The following CCDC150 variants were observed in gnomAD, a reference collection of about 807,000 sequenced individuals.
The protein encoded by CCDC150 is coiled-coil domain-containing protein 150.
CCDC150 carries 151 observed loss-of-function variants against 156.5 expected under a neutral mutation model. The observed-to-expected ratio is 0.97, with a 90% CI of 0.85 to 1.10. CCDC150 has a LOEUF of 1.10. Among genes scored for constraint, CCDC150 ranks in the 50% least tolerant of loss-of-function variants. The probability of loss-of-function intolerance (pLI) is 0.00; values close to 1 mark genes in which losing one functional copy is unlikely to be tolerated. For synonymous variants in CCDC150, 452 were observed against 429.4 expected, an observed-to-expected ratio of 1.05 and a Z score of -0.65; for missense variants, 1,312 against 1,268.1, an observed-to-expected ratio of 1.03 and a Z score of -0.53.
chr2:196,644,552 C>A (rs1692422280), intron 1 of CCDC150, among the ~76,000 whole-genome samples: 1 of 151,888 alleles, frequency 6.6e-6, no homozygotes, highest in African/African-American at 2.4e-5. Flanking sequence ...GTCTCCACAT[C>A]AGTTTTTTTT....
chr2:196,653,003 AGGT>A (rs1692972823), intron 2 of CCDC150, among the ~76,000 whole-genome samples: 1 of 152,296 alleles, frequency 6.6e-6, no homozygotes, highest in East Asian at 1.9e-4. Context: ...AGCATTCCTG[AGGT>A]GGTGCAGGGT....
At chr2:196,696,027 CATTACTTCAACTATGAAAAAT>C (rs1185907433) in intron 14 of CCDC150, among the ~76,000 whole-genome samples, 1 of 152,196 alleles carries the variant, frequency 6.6e-6, no homozygotes, top group African/African-American at 2.4e-5. Flanking sequence ...ATAAGCTGCT[CATTACTTCAACTATGAAAAAT>C]TATACAGACT....
chr2:196,671,317 CAT>C (rs1443146046), intron 8 of CCDC150, among the ~76,000 whole-genome samples: 6 of 151,868 alleles, frequency 4.0e-5, no homozygotes, highest in African/African-American at 1.4e-4. Flanking sequence ...TAGTTGGAAT[CAT>C]ATAGTCTATA....
intron 14 of CCDC150, among the ~76,000 whole-genome samples, chr2:196,700,790 C>T (rs980452381): frequency 1.3e-5 from 2 of 152,168 alleles, no homozygotes; most frequent in Non-Finnish European, 2.9e-5. Flanking sequence ...TACCTGCAGT[C>T]ACTGATACAA....
chr2:196,709,102 C>A lies in CCDC150; in HGVS notation c.1696-3043C>A, dbSNP rs760571124. 1.1e-4 allele frequency among the ~76,000 whole-genome samples: 16 copies of A among 152,290 alleles called. No homozygotes were observed. The East Asian group carries it at 3.1e-3, about 29-fold the overall frequency. Reference sequence around the variant, plus strand: ...GGATAATATCCTGAAGAGTGTTTTCCATCTTGGTTCCATGCTCCCTGTCAC... The same window carrying A: ...GGATAATATCCTGAAGAGTGTTTTCAATCTTGGTTCCATGCTCCCTGTCAC... On this transcript the variant is annotated intron_variant, in intron 15 of 27. Transcript: ENST00000389175.
At chr2:196,704,525 A>G (rs1037639888) in intron 15 of CCDC150, among the ~76,000 whole-genome samples, 9 of 152,094 alleles carry the variant, frequency 5.9e-5, no homozygotes, top group African/African-American at 2.2e-4. Flanking sequence ...TCCCCTTACT[A>G]AAAGTAGTTA....
chr2:196,724,387 AAATTT>A (rs1559278884), intron 21 of CCDC150, among the ~76,000 whole-genome samples: 1 of 152,190 alleles, frequency 6.6e-6, no homozygotes, highest in Non-Finnish European at 1.5e-5. Context: ...AGTTAATACA[AAATTT>A]AATTTAAAAA....
At chr2:196,651,681 T>C (rs1434039163) in intron 2 of CCDC150, among the ~76,000 whole-genome samples, 1 of 152,234 alleles carries the variant, frequency 6.6e-6, no homozygotes, top group African/African-American at 2.4e-5. Flanking sequence ...CAAGCTACTT[T>C]TCCCTTGATG....
chr2:196,669,967 A>C (rs1694104436), intron 8 of CCDC150, 91 bp downstream of exon 8: 1 of 919,438 alleles, frequency 1.1e-6, no homozygotes, highest in Non-Finnish European at 1.7e-6. Flanking sequence ...AGTGCTTCTT[A>C]CTCTCATCAA....
chr2:196,645,079 G>A (rs1293248510), intron 1 of CCDC150, among the ~76,000 whole-genome samples: 2 of 152,172 alleles, frequency 1.3e-5, no homozygotes, highest in East Asian at 1.9e-4. Flanking sequence ...AGCCAAGATC[G>A]CTCCATTTCA....
intron 2 of CCDC150, among the ~76,000 whole-genome samples, chr2:196,652,295 C>T (rs1451277602): frequency 1.3e-5 from 2 of 152,206 alleles, no homozygotes; most frequent in African/African-American, 4.8e-5. Flanking sequence ...AGACTCAAGG[C>T]AAGTTCTTTC....
At chr2:196,701,554 C>CT (rs1474681080) in intron 15 of CCDC150, among the ~76,000 whole-genome samples, 3 of 152,162 alleles carry the variant, frequency 2.0e-5, no homozygotes, top group Non-Finnish European at 4.4e-5. Flanking sequence ...TGTGATGATA[C>CT]TGTTCTTTTG....
At chr2:196,680,653 C>T (rs1694762756) in intron 13 of CCDC150, among the ~76,000 whole-genome samples, 1 of 152,072 alleles carries the variant, frequency 6.6e-6, no homozygotes, top group Non-Finnish European at 1.5e-5. Flanking sequence ...GTTGTTTCAA[C>T]TTTTTGGGTA....
chr2:196,732,483 C>A lies in CCDC150; in HGVS notation c.3227C>A (p.Ser1076Tyr). The change falls in exon 28 of 28, where the codon TCT (serine) becomes TAT (tyrosine). Residue 1076 changes from serine (S) to tyrosine (Y), a missense_variant. By Grantham distance (144) the Ser-to-Tyr change is moderately radical (BLOSUM62 -2). Coordinates refer to ENST00000389175, the MANE Select transcript of CCDC150 (RefSeq NM_001080539.2). ...AAACATGATGTCATGTCCAACCAAT[C>A]TGTTCTGCATCGATGGGAGAGAAAA... ...DVKHDVMSNQ[S>Y]VLHRWERKQN... The A allele has an allele frequency of 6.2e-7, 1 of 1,613,702 alleles. No individual in the cohort carries two copies. The highest frequency in any genetic ancestry group is 1.1e-5 in the South Asian group (1 of 91,072).
At position 196,712,173 on chromosome 2, in the gene CCDC150, TAC is replaced by T. The variant is rs1280972391; in HGVS notation, c.1726_1727del (p.Gln576ValfsTer4). On this transcript the variant is annotated frameshift_variant, in exon 16 of 28. Coordinates refer to ENST00000389175, the MANE Select transcript of CCDC150 (RefSeq NM_001080539.2). LOFTEE classifies it high-confidence loss of function. The stretch of plus-strand genomic sequence containing the variant: ...AAAGTTAAACAGCTAGAAGAACAAG[TAC>T]AGTCTTTTACTGACACCAGCTTACA... 13 of 1,578,616 alleles carry T rather than the reference TAC, an allele frequency of 8.2e-6. No homozygotes were observed. Among genetic ancestry groups the T allele is most frequent in the Admixed American group, 7.1e-5 (4 of 56,676 alleles).
At chr2:196,698,452 C>G (rs1334587433) in intron 14 of CCDC150, among the ~76,000 whole-genome samples, 1 of 152,034 alleles carries the variant, frequency 6.6e-6, no homozygotes, top group East Asian at 1.9e-4. Context: ...AGGGAAAAAG[C>G]TCCATTATTT....
In CCDC150 at chr2:196,729,280, G is replaced by GA. The variant is rs1698397864; in HGVS notation, c.2650dup (p.Ile884AsnfsTer5). On this transcript the variant is annotated frameshift_variant, in exon 23 of 28. Transcript: ENST00000389175. LOFTEE classifies it high-confidence loss of function. The stretch of plus-strand genomic sequence containing the variant: ...GCTGCGACAGAAACTTGCAGAGCTA[G>GA]AAAAAATACTAGAAAGTAACAAGGA... The GA allele has an allele frequency of 1.9e-6, 3 of 1,613,700 alleles. No individual in the cohort carries two copies. The highest frequency in any genetic ancestry group is 1.6e-4 in the Middle Eastern group (1 of 6,062).
intron 15 of CCDC150, among the ~76,000 whole-genome samples, chr2:196,706,232 C>T (rs372730681): frequency 0.013 from 1,935 of 152,152 alleles, 39 homozygotes; most frequent in African/African-American, 0.042. Flanking sequence ...AAGAGGTCCT[C>T]CACATCCCTT....
chr2:196,647,793 A>G (rs562798405), intron 2 of CCDC150, among the ~76,000 whole-genome samples: 1 of 152,312 alleles, frequency 6.6e-6, no homozygotes, highest in Admixed American at 6.5e-5. Context: ...ATTTTGAAAT[A>G]TACAATACGT....
Sources: allele counts gnomAD v4.1 joint callset (sites outside exome capture counted in the v4.1 genomes callset), GRCh38; gene constraint gnomAD v4.1.1; transcripts MANE v1.5; gene names NCBI Gene and HGNC (gene_info 2026-07-23, HGNC 2026-07-21).